The following VTI1A variants were observed in gnomAD, a reference collection of about 807,000 sequenced individuals.
VTI1A encodes the protein vesicle transport through interaction with t-SNAREs 1A, also known as vesicle transport through interaction with t-SNAREs homolog 1A.
VTI1A carries 22 observed loss-of-function variants against 34.9 expected under a neutral mutation model. The ratio of observed to expected loss-of-function variants is 0.63; its 90% confidence interval spans 0.45 to 0.90. The LOEUF (loss-of-function observed/expected upper bound fraction) is 0.90, where lower values mean the gene tolerates loss of function less well. VTI1A is among the 40% of genes least tolerant of loss of function. The pLI is 0.00. For synonymous variants in VTI1A, 87 were observed against 97.3 expected, an observed-to-expected ratio of 0.89 and a Z score of 0.62; for missense variants, 268 against 275.6, an observed-to-expected ratio of 0.97 and a Z score of 0.20.
chr10:112,839,773 C>A, the VTI1A span, among the ~76,000 whole-genome samples: 2 of 152,202 alleles, frequency 1.3e-5, no homozygotes, highest in Non-Finnish European at 2.9e-5. Flanking sequence ...TAAGGCAAAG[C>A]AGGGCCACTT....
At chr10:112,627,108 C>T (rs1430223923) in intron 5 of VTI1A, among the ~76,000 whole-genome samples, 2 of 152,172 alleles carry the variant, frequency 1.3e-5, no homozygotes, top group East Asian at 3.8e-4. Context: ...TCAAGATGAG[C>T]TCTTAAATGA....
intron 5 of VTI1A, among the ~76,000 whole-genome samples, chr10:112,604,876 A>G (rs1845016035): frequency 6.6e-6 from 1 of 152,154 alleles, no homozygotes; most frequent in African/African-American, 2.4e-5. Context: ...TATTACTCTC[A>G]TTTAGAATAG....
chr10:112,550,399 A>G (rs1302717921), intron 5 of VTI1A, among the ~76,000 whole-genome samples: 1 of 147,080 alleles, frequency 6.8e-6, no homozygotes. Flanking sequence ...AATTTTTTTG[A>G]GATGGATGCT....
intron 5 of VTI1A, among the ~76,000 whole-genome samples, chr10:112,638,456 T>G (rs1216835444): frequency 6.6e-6 from 1 of 152,234 alleles, no homozygotes; most frequent in Non-Finnish European, 1.5e-5. Flanking sequence ...AAACATTTAC[T>G]TATTTTAACT....
intron 5 of VTI1A, among the ~76,000 whole-genome samples, chr10:112,657,404 A>G (rs1056894299): frequency 1.6e-4 from 24 of 152,322 alleles, no homozygotes; most frequent in African/African-American, 5.5e-4. Context: ...TAAAAATACT[A>G]TATAAAACAT....
chr10:112,697,586 G>A lies in VTI1A; in HGVS notation c.560+28588G>A, dbSNP rs143698679. On this transcript the variant is annotated intron_variant, in intron 7 of 7. Transcript: ENST00000393077. ...TAATTTTGTATTTTTAGTAGAGACAGGGTTTCTCCATGTTGGTCAGGCTGA... is the reference window on the plus strand; with the variant it reads ...TAATTTTGTATTTTTAGTAGAGACAAGGTTTCTCCATGTTGGTCAGGCTGA... Among the ~76,000 whole-genome samples the A allele has an allele frequency of 3.3e-3, 499 of 151,936 alleles. 4 individuals are homozygous for A. Among genetic ancestry groups the A allele is most frequent in the African/African-American group, 0.011 (476 of 41,428 alleles).
chr10:112,619,791 A>G (rs1449537496), intron 5 of VTI1A, among the ~76,000 whole-genome samples: 7 of 152,132 alleles, frequency 4.6e-5, no homozygotes, highest in Non-Finnish European at 1.0e-4. Context: ...TTTCCTTGAC[A>G]GTGGAACTGA....
intron 5 of VTI1A, among the ~76,000 whole-genome samples, chr10:112,603,247 G>C (rs1218419388): frequency 6.6e-6 from 1 of 152,216 alleles, no homozygotes; most frequent in Non-Finnish European, 1.5e-5. Context: ...AATGAAGTTG[G>C]ACATTGCTAA....
At chr10:112,836,761 G>T in the VTI1A span, among the ~76,000 whole-genome samples, 20 of 152,144 alleles carry the variant, frequency 1.3e-4, no homozygotes, top group African/African-American at 4.6e-4. Context: ...CGGGGAGGGG[G>T]TATGGAATCC....
At chr10:112,821,264 GCC>G (rs1219645407), downstream of VTI1A, among the ~76,000 whole-genome samples, 2 of 152,052 alleles carry the variant, frequency 1.3e-5, no homozygotes, top group Non-Finnish European at 2.9e-5. Context: ...ACCCGGCTCC[GCC>G]GAGAGCTGCC....
intron 7 of VTI1A, among the ~76,000 whole-genome samples, chr10:112,745,187 A>T (rs971468491): frequency 4.0e-5 from 6 of 151,834 alleles, no homozygotes; most frequent in African/African-American, 1.5e-4. Context: ...TGGAGAGAGT[A>T]GGAAGAGGGT....
At chr10:112,776,812 G>A (rs1407890322) in intron 7 of VTI1A, among the ~76,000 whole-genome samples, 1 of 151,654 alleles carries the variant, frequency 6.6e-6, no homozygotes, top group East Asian at 1.9e-4. Context: ...CGAGTAGCTG[G>A]GACTACAAGT....
rs1564821474 is a variant in VTI1A at position 112,546,043 on chromosome 10, T to TATACGTGTATACGCGTATGTGTGTGC, written c.427+7716_427+7717insCGTGTATACGCGTATGTGTGTGCATA. 4.2e-4 allele frequency among the ~76,000 whole-genome samples: 59 copies of TATACGTGTATACGCGTATGTGTGTGC among 141,658 alleles called. 3 individuals carry two copies. Among genetic ancestry groups the TATACGTGTATACGCGTATGTGTGTGC allele is most frequent in the Non-Finnish European group, 6.5e-4 (41 of 62,732 alleles). The allele number at this position is 141,658 out of a possible 152,430, so 92.9% of individuals were successfully genotyped here. ...ATACGTGTATACGCGTATGTGTGTG[T>TATACGTGTATACGCGTATGTGTGTGC]ATATACGTGTATACGCGTATGTGTG... On this transcript the variant is annotated intron_variant, in intron 5 of 7. Transcript: ENST00000393077.
intron 7 of VTI1A, among the ~76,000 whole-genome samples, chr10:112,786,976 C>T (rs1564925209): frequency 6.6e-6 from 1 of 152,268 alleles, no homozygotes; most frequent in East Asian, 1.9e-4. Context: ...TGTGTAGGAA[C>T]AGTATTATTT....
chr10:112,540,501 C>G (rs1162538418), intron 5 of VTI1A, among the ~76,000 whole-genome samples: 2 of 152,200 alleles, frequency 1.3e-5, no homozygotes, highest in African/African-American at 4.8e-5. Context: ...GAAGTAAAGA[C>G]AGATGTGGCT....
intron 7 of VTI1A, among the ~76,000 whole-genome samples, chr10:112,756,344 G>A (rs1229861013): frequency 1.3e-5 from 2 of 152,140 alleles, no homozygotes; most frequent in African/African-American, 4.8e-5. Flanking sequence ...GGGCTACCTA[G>A]TTGCCTCTCT....
intron 7 of VTI1A, among the ~76,000 whole-genome samples, chr10:112,741,198 G>A (rs1309404517): frequency 6.6e-6 from 1 of 152,200 alleles, no homozygotes; most frequent in Non-Finnish European, 1.5e-5. Flanking sequence ...GCTCACGCCT[G>A]TAGTCCCAGC....
At chr10:112,551,040 G>A (rs1004767494) in intron 5 of VTI1A, among the ~76,000 whole-genome samples, 1 of 152,040 alleles carries the variant, frequency 6.6e-6, no homozygotes, top group Non-Finnish European at 1.5e-5. Context: ...TCGGGAGATG[G>A]AGACCATCCT....
chr10:112,543,559 T>A (rs1343327495), intron 5 of VTI1A, among the ~76,000 whole-genome samples: 3 of 152,206 alleles, frequency 2.0e-5, no homozygotes, highest in Non-Finnish European at 4.4e-5. Context: ...GTTTAAGTTC[T>A]TTGTAGATTC....
Sources: allele counts gnomAD v4.1 joint callset (sites outside exome capture counted in the v4.1 genomes callset), GRCh38; gene constraint gnomAD v4.1.1; transcripts MANE v1.5; gene names NCBI Gene and HGNC (gene_info 2026-07-23, HGNC 2026-07-21).